The following STAM2 variants were observed in gnomAD, a reference collection of about 807,000 sequenced individuals.
The protein encoded by STAM2 is signal transducing adapter molecule 2.
STAM2 carries 51 observed loss-of-function variants against 65.6 expected under a neutral mutation model. The ratio of observed to expected loss-of-function variants is 0.78; its 90% CI spans 0.62 to 0.98. The LOEUF is 0.98. STAM2 is among the 50% of genes least tolerant of loss of function. The pLI is 0.00. For synonymous variants in STAM2, 198 were observed against 208.4 expected, an observed-to-expected ratio of 0.95 and a Z score of 0.43; for missense variants, 584 against 617.8, an observed-to-expected ratio of 0.95 and a Z score of 0.58.
At chr2:152,131,798 T>C (rs922078211) in intron 11 of STAM2, 54 of 284,730 alleles carry the variant, frequency 1.9e-4, no homozygotes, top group Non-Finnish European at 2.5e-4. Flanking sequence ...ATGCAGAAAA[T>C]ACTAGAGAGT....
intron 1 of STAM2, among the ~76,000 whole-genome samples, chr2:152,156,693 TC>T (rs1689560867): frequency 6.6e-6 from 1 of 150,854 alleles, no homozygotes; most frequent in African/African-American, 2.4e-5. Flanking sequence ...ACAAAAAGGC[TC>T]CCCCCCTTAC....
chr2:152,148,544 T>C (rs911164677), intron 2 of STAM2, among the ~76,000 whole-genome samples: 2 of 152,116 alleles, frequency 1.3e-5, no homozygotes, highest in Non-Finnish European at 2.9e-5. Flanking sequence ...GTGGCATGTG[T>C]CTGTACTCCT....
In STAM2 at chr2:152,125,109, A is replaced by C. The variant is rs114323984; in HGVS notation, c.1179+1117T>G. Among the ~76,000 whole-genome samples, 1,065 of 152,290 alleles carry C rather than the reference A, an allele frequency of 7.0e-3. 15 individuals carry two copies. The highest frequency in any genetic ancestry group is 0.024 in the African/African-American group (996 of 41,556). On this transcript the variant is annotated intron_variant, in intron 12 of 13. Coordinates refer to ENST00000263904, the MANE Select transcript of STAM2 (RefSeq NM_005843.6). Reference sequence around the variant, plus strand: ...GCAAATAACCCTTTACAGACACACAAAAAAGCAAACATAAAGTTTTATCAT... The same window carrying C: ...GCAAATAACCCTTTACAGACACACACAAAAGCAAACATAAAGTTTTATCAT...
At chr2:152,164,621 C>T (rs1048869502) in intron 1 of STAM2, among the ~76,000 whole-genome samples, 2 of 152,274 alleles carry the variant, frequency 1.3e-5, no homozygotes, top group East Asian at 3.9e-4. Flanking sequence ...GGATTAAAAG[C>T]GTGAGCCACT....
At chr2:152,171,859 T>G (rs945089031) in intron 1 of STAM2, among the ~76,000 whole-genome samples, 1 of 152,162 alleles carries the variant, frequency 6.6e-6, no homozygotes, top group African/African-American at 2.4e-5. Flanking sequence ...GGCAGAAAAC[T>G]GGCAAGAAAG....
chr2:152,134,231 C>T (rs1486795804), intron 8 of STAM2, among the ~76,000 whole-genome samples: 1 of 152,140 alleles, frequency 6.6e-6, no homozygotes, highest in Non-Finnish European at 1.5e-5. Flanking sequence ...AAATATTTGG[C>T]TAACTTTCAA....
chr2:152,175,659 C>A lies in STAM2; in HGVS notation c.-17G>T. ...CAAAGGCATCTCGCCGGCGCCCGAG[C>A]CCTAGTCGCTGCTGTCTAGCTGACA... On this transcript the variant is annotated 5_prime_UTR_variant, in exon 1 of 14. Transcript: ENST00000263904. 4 of 1,608,854 alleles carry A rather than the reference C, an allele frequency of 2.5e-6. No homozygotes were observed. The highest frequency in any genetic ancestry group is 3.4e-6 in the Non-Finnish European group (4 of 1,177,800).
intron 1 of STAM2, among the ~76,000 whole-genome samples, chr2:152,163,194 G>A (rs1166466600): frequency 6.6e-6 from 1 of 152,140 alleles, no homozygotes; most frequent in African/African-American, 2.4e-5. Flanking sequence ...GGGACTGGCT[G>A]GAGCCGTAGC....
chr2:152,175,745 G>A lies in STAM2; in HGVS notation c.-103C>T. 1 of 1,298,054 alleles carries A rather than the reference G, an allele frequency of 7.7e-7. No individual in the cohort carries two copies. Among genetic ancestry groups the A allele is most frequent in the Non-Finnish European group, 1.1e-6 (1 of 925,866 alleles). 80.4% of individuals were successfully genotyped at this position (1,298,054 alleles called of 1,614,324 possible). A position where few individuals can be genotyped will look rare whatever the true frequency, so the allele number is the denominator to read the frequency against. On this transcript the variant is annotated 5_prime_UTR_variant, in exon 1 of 14. Transcript: ENST00000263904. ...GCGGCTCCCTAGACCGCTCCGCTTC[G>A]GCCTCCGTCCCTGCACTTCCGCCAC...
chr2:152,122,607 C>T (rs1476315141), intron 13 of STAM2, among the ~76,000 whole-genome samples: 1 of 151,866 alleles, frequency 6.6e-6, no homozygotes, highest in African/African-American at 2.4e-5. Context: ...ATTTAATATT[C>T]ATATAATATC....
At chr2:152,127,387 T>C (rs1688980523) in intron 11 of STAM2, among the ~76,000 whole-genome samples, 1 of 152,194 alleles carries the variant, frequency 6.6e-6, no homozygotes, top group Non-Finnish European at 1.5e-5. Flanking sequence ...TCACACATTC[T>C]AGGTTTTTTG....
chr2:152,158,663 G>A (rs1212222225), intron 1 of STAM2, among the ~76,000 whole-genome samples: 2 of 152,046 alleles, frequency 1.3e-5, no homozygotes, highest in Non-Finnish European at 2.9e-5. Flanking sequence ...CACTGCTATT[G>A]AACAGAATAC....
At chr2:152,175,070 T>G (rs995580675) in intron 1 of STAM2, among the ~76,000 whole-genome samples, 1 of 152,138 alleles carries the variant, frequency 6.6e-6, no homozygotes, top group Non-Finnish European at 1.5e-5. Context: ...ACCTTTACAA[T>G]TGTAATAAAT....
intron 13 of STAM2, among the ~76,000 whole-genome samples, chr2:152,121,259 C>A (rs910283292): frequency 1.3e-5 from 2 of 152,300 alleles, no homozygotes; most frequent in Admixed American, 6.5e-5. Flanking sequence ...CAGGCATGAG[C>A]CACCATGCCG....
intron 6 of STAM2, 115 bp from the exon 7 acceptor site, chr2:152,144,128 A>T: frequency 1.1e-4 from 70 of 618,840 alleles, no homozygotes; most frequent in East Asian, 1.9e-4. Flanking sequence ...GTCTAATTAC[A>T]TGCTACAGTT....
Position 152,120,406 on chromosome 2 carries a change from A to C in STAM2, c.*168T>G, listed in dbSNP as rs1333175622. The C allele has an allele frequency of 2.8e-5, 16 of 570,736 alleles. No individual in the cohort carries two copies. The highest frequency in any genetic ancestry group is 5.0e-5 in the South Asian group (2 of 40,124). 35.4% of individuals were successfully genotyped at this position (570,736 alleles called of 1,614,324 possible). On this transcript the variant is annotated 3_prime_UTR_variant, in exon 14 of 14. Transcript: ENST00000263904. Reference sequence around the variant, plus strand: ...AAACAAACTGGACTGAAAAAAAAAAAAAAAAAAAACCTTTTATGGCCTTGT... The same window carrying C: ...AAACAAACTGGACTGAAAAAAAAAACAAAAAAAAACCTTTTATGGCCTTGT...
intron 8 of STAM2, 89 bp from the exon 9 acceptor site, chr2:152,133,573 G>GAA: frequency 5.6e-6 from 5 of 900,052 alleles, no homozygotes; most frequent in South Asian, 1.7e-5. Flanking sequence ...TTGTCCATAA[G>GAA]AAAAAAAAAT....
intron 10 of STAM2, 53 bp from the exon 11 acceptor site, chr2:152,132,221 A>G: frequency 7.2e-7 from 1 of 1,380,152 alleles, no homozygotes; most frequent in Non-Finnish European, 1.0e-6. Flanking sequence ...GTTTAAGCCA[A>G]TTTCAACAAT....
At chr2:152,161,547 A>G (rs930108672) in intron 1 of STAM2, among the ~76,000 whole-genome samples, 3 of 151,776 alleles carry the variant, frequency 2.0e-5, no homozygotes, top group Non-Finnish European at 4.4e-5. Context: ...TTTCTAGACT[A>G]CACAATTCTT....
Sources: allele counts gnomAD v4.1 joint callset (sites outside exome capture counted in the v4.1 genomes callset), GRCh38; gene constraint gnomAD v4.1.1; transcripts MANE v1.5; gene names NCBI Gene and HGNC (gene_info 2026-07-23, HGNC 2026-07-21).